The following OSBP2 variants were observed in gnomAD, a reference collection of about 807,000 sequenced individuals.
The protein encoded by OSBP2 is oxysterol-binding protein 2.
A neutral mutation model predicts 96.0 loss-of-function variants in OSBP2; 66 were observed. The observed-to-expected ratio is 0.69, with a 90% confidence interval of 0.56 to 0.84. The LOEUF (loss-of-function observed/expected upper bound fraction) is 0.84. OSBP2 is among the 40% of genes least tolerant of loss of function. OSBP2 has a pLI of 0.00. For synonymous variants in OSBP2, 525 were observed against 520.9 expected (o/e 1.01, Z -0.11); for missense variants, 1,038 against 1,222.7 (o/e 0.85, Z 2.25).
chr22:30,825,813 ACCCCTGCTTG>A (rs1364264253), intron 2 of OSBP2, among the ~76,000 whole-genome samples: 2 of 151,458 alleles, frequency 1.3e-5, no homozygotes, highest in Non-Finnish European at 2.9e-5. Context: ...GCCTCAAAGC[ACCCCTGCTTG>A]CCCACAAGCC....
chr22:30,831,688 C>T (rs1296502179), intron 2 of OSBP2, among the ~76,000 whole-genome samples: 1 of 152,092 alleles, frequency 6.6e-6, no homozygotes, highest in Non-Finnish European at 1.5e-5. Context: ...TGGCACTGCC[C>T]CTGTTCTCTG....
intron 3 of OSBP2, among the ~76,000 whole-genome samples, chr22:30,875,761 G>A (rs538093159): frequency 5.3e-5 from 8 of 152,322 alleles, no homozygotes; most frequent in South Asian, 4.1e-4. Flanking sequence ...TAAGTCAGCA[G>A]CCCCGTCATG....
chr22:30,723,933 G>A (rs969924866), intron 1 of OSBP2, among the ~76,000 whole-genome samples: 2 of 152,000 alleles, frequency 1.3e-5, no homozygotes, highest in Admixed American at 6.6e-5. Flanking sequence ...CTCTTGGTGC[G>A]GTACCTTCTA....
chr22:30,785,056 G>C (rs2090568069), intron 2 of OSBP2, among the ~76,000 whole-genome samples: 1 of 152,120 alleles, frequency 6.6e-6, no homozygotes, highest in East Asian at 1.9e-4. Context: ...TTACAGGTGT[G>C]AGCCACTGCA....
intron 2 of OSBP2, chr22:30,764,493 A>G: frequency 1.4e-6 from 1 of 709,706 alleles, no homozygotes. Flanking sequence ...CTCTGTAAAC[A>G]GCTCTCGGGA....
At chr22:30,811,327 ATTTAT>A (rs1223529468) in intron 2 of OSBP2, among the ~76,000 whole-genome samples, 3 of 112,474 alleles carry the variant, frequency 2.7e-5, no homozygotes, top group Admixed American at 1.8e-4. Flanking sequence ...TTTTATTTTT[ATTTAT>A]TTTATTTATT....
chr22:30,795,977 G>C lies in OSBP2; in HGVS notation c.853+54608G>C, dbSNP rs1034069612. ...ACTTATTAACCATAATTATTTTCAA[G>C]TTGGCTCCTTGCCAGTCAAGCTGCT... On this transcript the variant is annotated intron_variant, in intron 2 of 13. Coordinates refer to ENST00000332585, the MANE Select transcript of OSBP2 (RefSeq NM_030758.4). Among the ~76,000 whole-genome samples the C allele has an allele frequency of 1.4e-4, 21 of 152,046 alleles. 2 individuals are homozygous for C. The highest frequency in any genetic ancestry group is 1.4e-3 in the Admixed American group (21 of 15,258).
chr22:30,903,835 A>C (rs1453953762), intron 12 of OSBP2, among the ~76,000 whole-genome samples: 1 of 152,194 alleles, frequency 6.6e-6, no homozygotes, highest in African/African-American at 2.4e-5. Flanking sequence ...CCTCCCCTTC[A>C]ATTCATAGCC....
At chr22:30,806,090 G>T (rs2090924278) in intron 2 of OSBP2, among the ~76,000 whole-genome samples, 1 of 152,182 alleles carries the variant, frequency 6.6e-6, no homozygotes. Flanking sequence ...CAGTAACTCA[G>T]TCATCATCAT....
intron 1 of OSBP2, among the ~76,000 whole-genome samples, chr22:30,733,700 A>G (rs966754366): frequency 6.6e-6 from 1 of 152,142 alleles, no homozygotes; most frequent in Non-Finnish European, 1.5e-5. Context: ...CTAACCATAG[A>G]TGGTCTCCAT....
chr22:30,797,819 C>G (rs1323032442), intron 2 of OSBP2, among the ~76,000 whole-genome samples: 1 of 152,098 alleles, frequency 6.6e-6, no homozygotes, highest in Non-Finnish European at 1.5e-5. Flanking sequence ...GTCTCAAACT[C>G]CTGAGCTCAA....
intron 1 of OSBP2, 150 bp from the exon 2 acceptor site, chr22:30,741,011 G>GTTCCAA (rs2089930599): frequency 1.5e-6 from 1 of 651,850 alleles, no homozygotes; most frequent in African/African-American, 1.8e-5. Flanking sequence ...CGACCAGGCA[G>GTTCCAA]TTCCAATAGG....
chr22:30,834,463 A>G (rs2038592030), intron 2 of OSBP2, among the ~76,000 whole-genome samples: 1 of 152,236 alleles, frequency 6.6e-6, no homozygotes, highest in African/African-American at 2.4e-5. Context: ...CAAGGAATGT[A>G]TTAGGATTCC....
At chr22:30,861,802 C>T (rs927360618) in intron 2 of OSBP2, among the ~76,000 whole-genome samples, 1 of 152,168 alleles carries the variant, frequency 6.6e-6, no homozygotes, top group Admixed American at 6.5e-5. Context: ...GCCTCAGGGG[C>T]GCTGCTCCTG....
intron 3 of OSBP2, among the ~76,000 whole-genome samples, chr22:30,875,549 T>A (rs2039561126): frequency 6.6e-6 from 1 of 152,210 alleles, no homozygotes; most frequent in South Asian, 2.1e-4. Context: ...ATTTTGTATT[T>A]TCAATAGAGA....
At chr22:30,702,583 C>T (rs1359707542) in intron 1 of OSBP2, among the ~76,000 whole-genome samples, 1 of 152,130 alleles carries the variant, frequency 6.6e-6, no homozygotes, top group East Asian at 1.9e-4. Context: ...CACTGCAATC[C>T]AGCCTGGGTG....
At chr22:30,699,021 A>C (rs62235879) in intron 1 of OSBP2, among the ~76,000 whole-genome samples, 2,624 of 151,442 alleles carry the variant, frequency 0.017, 42 homozygotes, top group Non-Finnish European at 0.029. Flanking sequence ...GGCTTACTAC[A>C]CCCTCCCACT....
At chr22:30,855,627 T>G (rs549804947) in intron 2 of OSBP2, among the ~76,000 whole-genome samples, 130 of 152,312 alleles carry the variant, frequency 8.5e-4, no homozygotes, top group African/African-American at 3.1e-3. Context: ...CCTTTGATAT[T>G]CCTCAGCACA....
intron 1 of OSBP2, among the ~76,000 whole-genome samples, chr22:30,727,296 T>A (rs993614374): frequency 2.0e-5 from 3 of 152,216 alleles, no homozygotes; most frequent in African/African-American, 7.2e-5. Context: ...TCCTCCTGTC[T>A]GTGTCTCTCA....
Sources: allele counts gnomAD v4.1 joint callset (sites outside exome capture counted in the v4.1 genomes callset), GRCh38; gene constraint gnomAD v4.1.1; transcripts MANE v1.5; gene names NCBI Gene and HGNC (gene_info 2026-07-23, HGNC 2026-07-21).